Variants in CDCA2 observed in about 807,000 individuals in gnomAD.
CDCA2 encodes cell division cycle associated 2.
CDCA2 carries 44 observed loss-of-function variants against 67.0 expected under a neutral mutation model. The observed-to-expected ratio is 0.66, with a 90% CI of 0.52 to 0.84. The LOEUF is 0.84. Among genes scored for constraint, CDCA2 ranks in the 40% least tolerant of loss-of-function variants. The pLI is 0.00. For synonymous variants in CDCA2, 447 were observed against 418.7 expected, an observed-to-expected ratio of 1.07 and a Z score of -0.82; for missense variants, 1,253 against 1,203.2, an observed-to-expected ratio of 1.04 and a Z score of -0.61.
chr8:25,469,787 A>T lies in CDCA2; in HGVS notation c.736-109A>T, dbSNP rs189118174. On this transcript the variant is annotated intron_variant, in intron 6 of 14. Coordinates refer to ENST00000330560, the MANE Select transcript of CDCA2 (RefSeq NM_152562.4). The stretch of plus-strand genomic sequence containing the variant: ...CTTTATGAGATAATGAAGGTGACTG[A>T]TTGAACATCAGATTTCCAGGCAATC... 100 of 169,260 alleles carry T rather than the reference A, an allele frequency of 5.9e-4. 1 individual carries two copies. Among genetic ancestry groups the T allele is most frequent in the Admixed American group, 3.7e-3 (66 of 17,742 alleles). The allele number at this position is 169,260 out of a possible 1,614,324, so 10.5% of individuals were successfully genotyped here. A position where few individuals can be genotyped will look rare whatever the true frequency, so the allele number is the denominator to read the frequency against.
intron 8 of CDCA2, among the ~76,000 whole-genome samples, chr8:25,481,250 A>AG (rs1491164701): frequency 6.8e-6 from 1 of 147,458 alleles, no homozygotes; most frequent in South Asian, 2.2e-4. Context: ...AAAAAAAAAA[A>AG]GCTGATTTGG....
intron 13 of CDCA2, among the ~76,000 whole-genome samples, chr8:25,490,603 G>A (rs1232446634): frequency 6.6e-6 from 1 of 152,146 alleles, no homozygotes; most frequent in African/African-American, 2.4e-5. Flanking sequence ...GATGGTGAGA[G>A]TGAGAGGTGG....
rs141255575 is a variant in CDCA2 at position 25,480,015 on chromosome 8, G to A, written c.923G>A (p.Arg308Lys). Reference sequence around the variant, plus strand: ...AGCTCAGACGCAGTCCCTGATGTCAGGTCACCAGCTACTCCAGCCTGCAGG... The same window carrying A: ...AGCTCAGACGCAGTCCCTGATGTCAAGTCACCAGCTACTCCAGCCTGCAGG... ...EVSSDAVPDV[R>K]SPATPACRRD... Residue 308 changes from arginine (R) to lysine (K), a missense_variant, in exon 8 of 15, where the codon AGG becomes AAG. Arg to Lys is a conservative substitution (Grantham distance 26). Transcript: ENST00000330560. 1 of 1,614,110 alleles carries A rather than the reference G, an allele frequency of 6.2e-7. No individual in the cohort carries two copies. Among genetic ancestry groups the A allele is most frequent in the South Asian group, 1.1e-5 (1 of 91,078 alleles).
At position 25,479,942 on chromosome 8, in the gene CDCA2, A is replaced by G. The variant is rs115050754; in HGVS notation, c.850A>G (p.Lys284Glu). ...ALKVADCVVG[K>E]GSSDAVSPDT... Reference sequence around the variant, plus strand: ...AAAGGTTGCTGACTGTGTAGTGGGCAAAGGATCAAGTGATGCCGTTTCGCC... The same window carrying G: ...AAAGGTTGCTGACTGTGTAGTGGGCGAAGGATCAAGTGATGCCGTTTCGCC... Residue 284 changes from lysine to glutamate, a missense_variant, in exon 8 of 15, where the codon AAA becomes GAA. Physicochemically the swap from Lys to Glu is moderately conservative, Grantham distance 56. Coordinates refer to ENST00000330560, the MANE Select transcript of CDCA2 (RefSeq NM_152562.4). The G allele has an allele frequency of 1.7e-3, 2,668 of 1,614,196 alleles. 40 individuals carry two copies. The African/African-American group carries it at 0.032, about 19-fold the overall frequency.
intron 13 of CDCA2, among the ~76,000 whole-genome samples, chr8:25,491,510 C>A (rs368211037): frequency 3.6e-4 from 55 of 152,298 alleles, no homozygotes; most frequent in African/African-American, 1.3e-3. Flanking sequence ...CAAAATCATA[C>A]AAGAGTTCAT....
chr8:25,494,301 T>G (rs1804121368), intron 13 of CDCA2, among the ~76,000 whole-genome samples: 1 of 151,964 alleles, frequency 6.6e-6, no homozygotes. Flanking sequence ...CTGTATTTTC[T>G]TAATATATTA....
chr8:25,493,458 C>T (rs765272625), intron 13 of CDCA2, among the ~76,000 whole-genome samples: 6 of 151,806 alleles, frequency 4.0e-5, no homozygotes, highest in Non-Finnish European at 8.8e-5. Context: ...ATGGAGCATG[C>T]GTAAGGAAAA....
chr8:25,495,491 T>C (rs983428230), intron 13 of CDCA2, among the ~76,000 whole-genome samples: 26 of 152,184 alleles, frequency 1.7e-4, no homozygotes, highest in Non-Finnish European at 3.2e-4. Flanking sequence ...CTCGGCTCAC[T>C]GCAAGCTCCG....
At chr8:25,469,508 G>A (rs899043577) in intron 6 of CDCA2, among the ~76,000 whole-genome samples, 2 of 152,104 alleles carry the variant, frequency 1.3e-5, no homozygotes, top group Non-Finnish European at 2.9e-5. Context: ...TATTGATATC[G>A]TTTGGCGTTT....
intron 13 of CDCA2, among the ~76,000 whole-genome samples, chr8:25,499,845 G>A (rs951678738): frequency 3.9e-5 from 6 of 152,082 alleles, no homozygotes; most frequent in South Asian, 2.1e-4. Flanking sequence ...GGCTTCCCCC[G>A]GGGGTTCCAA....
chr8:25,468,779 G>A (rs1431409001), intron 6 of CDCA2, among the ~76,000 whole-genome samples: 2 of 152,120 alleles, frequency 1.3e-5, no homozygotes, highest in East Asian at 3.9e-4. Context: ...TGGGGAGCAG[G>A]GTATAAGCAG....
intron 7 of CDCA2, among the ~76,000 whole-genome samples, chr8:25,473,496 A>G (rs556608433): frequency 5.9e-5 from 9 of 152,308 alleles, no homozygotes; most frequent in African/African-American, 2.2e-4. Context: ...TGTGCATCAT[A>G]TGAGCATTTA....
intron 13 of CDCA2, among the ~76,000 whole-genome samples, chr8:25,498,453 A>ACCCCACCC (rs1804328252): frequency 1.3e-5 from 1 of 76,612 alleles, no homozygotes. Context: ...GGTAATCTGC[A>ACCCCACCC]CCCCCCCCCC....
rs752794683 is a variant in CDCA2 at position 25,485,787 on chromosome 8, T to C, written c.1394T>C (p.Phe465Ser). ...LENIEPLQVSFAVLSSPNKSS... is the reference protein window; with the variant it reads ...LENIEPLQVSSAVLSSPNKSS... ...AACATAGAACCACTTCAAGTATCATTTGCCGTTCTCAGTTCTCCTAATAAA... is the reference window on the plus strand; with the variant it reads ...AACATAGAACCACTTCAAGTATCATCTGCCGTTCTCAGTTCTCCTAATAAA... Residue 465 changes from phenylalanine (F) to serine (S), a missense_variant, in exon 11 of 15, where the codon TTT (phenylalanine) becomes TCT (serine). Coordinates refer to ENST00000330560, the MANE Select transcript of CDCA2 (RefSeq NM_152562.4). 10 of 1,607,898 alleles carry C rather than the reference T, an allele frequency of 6.2e-6. No homozygotes were observed. The South Asian group carries it at 1.0e-4, about 16-fold the overall frequency.
At chr8:25,465,402 T>C (rs1369393459) in intron 4 of CDCA2, among the ~76,000 whole-genome samples, 1 of 152,184 alleles carries the variant, frequency 6.6e-6, no homozygotes, top group Non-Finnish European at 1.5e-5. Context: ...AAAAAAAATC[T>C]AGATAGAGAA....
chr8:25,500,583 C>T (rs949645949), intron 13 of CDCA2, among the ~76,000 whole-genome samples: 5 of 151,924 alleles, frequency 3.3e-5, no homozygotes, highest in African/African-American at 4.8e-5. Flanking sequence ...CATAACTCAC[C>T]GCCGCCTCAA....
At chr8:25,468,554 T>TGTGTGTGTGTGTGCGTGC (rs140233192) in intron 6 of CDCA2, 141 bp downstream of exon 6, 2 of 494,154 alleles carry the variant, frequency 4.0e-6, no homozygotes, top group Non-Finnish European at 7.1e-6. Flanking sequence ...TGTGTGTGTG[T>TGTGTGTGTGTGTGCGTGC]GTGCGTGTGT....
At chr8:25,473,101 A>G (rs1803222628) in intron 7 of CDCA2, among the ~76,000 whole-genome samples, 1 of 152,162 alleles carries the variant, frequency 6.6e-6, no homozygotes, top group African/African-American at 2.4e-5. Flanking sequence ...AGGTGAAATC[A>G]TGTGGTTTTT....
rs535097107 is a variant in CDCA2 at position 25,497,492 on chromosome 8, T to TAAAA, written c.1672-5878_1672-5875dup. Reference sequence around the variant, plus strand: ...AGATCTTACTTACATGTGGAATCTTTAAAAAATAAAAAATAAAAAAAAAAA... The same window carrying TAAAA: ...AGATCTTACTTACATGTGGAATCTTTAAAAAAAAAATAAAAAATAAAAAAAAAAA... On this transcript the variant is annotated intron_variant, in intron 13 of 14. Coordinates refer to ENST00000330560, the MANE Select transcript of CDCA2 (RefSeq NM_152562.4). Among the ~76,000 whole-genome samples the TAAAA allele has an allele frequency of 2.4e-3, 81 of 34,218 alleles. 1 individual carries two copies. The highest frequency in any genetic ancestry group is 1.6e-3 in the South Asian group (2 of 1,242). 22.4% of individuals were successfully genotyped at this position (34,218 alleles called of 152,430 possible).
Sources: allele counts gnomAD v4.1 joint callset (sites outside exome capture counted in the v4.1 genomes callset), GRCh38; gene constraint gnomAD v4.1.1; transcripts MANE v1.5; gene names NCBI Gene and HGNC (gene_info 2026-07-23, HGNC 2026-07-21).